PTPRQ: variants seen among roughly 807,000 people sequenced by gnomAD.
PTPRQ encodes the protein protein tyrosine phosphatase receptor type Q.
PTPRQ carries 199 observed loss-of-function variants against 246.0 expected under a neutral mutation model. The observed-to-expected ratio is 0.81, with a 90% CI of 0.72 to 0.91. The LOEUF (loss-of-function observed/expected upper bound fraction) is 0.91. Ranked by LOEUF, PTPRQ falls within the 40% of genes least tolerant of loss-of-function variation. The pLI, the probability that PTPRQ is intolerant of heterozygous loss-of-function variation, is 0.00. For synonymous variants in PTPRQ, 869 were observed against 853.2 expected (o/e 1.02, Z -0.32); for missense variants, 2,624 against 2,528.4 (o/e 1.04, Z -0.81).
intron 14 of PTPRQ, among the ~76,000 whole-genome samples, chr12:80,505,814 T>C (rs576178878): frequency 6.4e-4 from 97 of 152,104 alleles, no homozygotes; most frequent in African/African-American, 2.3e-3. Context: ...TGTGGAATCA[T>C]AGTAGCATTT....
At chr12:80,617,326 A>G (rs2121121591) in intron 30 of PTPRQ, among the ~76,000 whole-genome samples, 1 of 151,522 alleles carries the variant, frequency 6.6e-6, no homozygotes, top group Non-Finnish European at 1.5e-5. Flanking sequence ...TCACTGTTAG[A>G]TGAAACTGAT....
In PTPRQ at chr12:80,483,197, TA is replaced by T. The variant is rs1230163563; in HGVS notation, c.1187-1230del. 2.4e-5 allele frequency among the ~76,000 whole-genome samples: 3 copies of T among 124,742 alleles called. No individual in the cohort carries two copies. The East Asian group carries it at 6.7e-4, about 28-fold the overall frequency. The allele number at this position is 124,742 out of a possible 152,430, so 81.8% of individuals were successfully genotyped here. A position where few individuals can be genotyped will look rare whatever the true frequency, so the allele number is the denominator to read the frequency against. ...TACACCATGGAATACTATGCAGCCATAAAAAATGATGAGTTCATGTCCTTTG... is the reference window on the plus strand; with the variant it reads ...TACACCATGGAATACTATGCAGCCATAAAAATGATGAGTTCATGTCCTTTG... On this transcript the variant is annotated intron_variant, in intron 8 of 44. Coordinates refer to ENST00000644991, the MANE Select transcript of PTPRQ (RefSeq NM_001145026.2).
intron 35 of PTPRQ, among the ~76,000 whole-genome samples, chr12:80,639,727 A>T (rs1435172622): frequency 6.6e-6 from 1 of 152,154 alleles, no homozygotes; most frequent in Non-Finnish European, 1.5e-5. Flanking sequence ...TACCTTTGGT[A>T]TTGTTACTAT....
In PTPRQ at chr12:80,613,694, T is replaced by C; in HGVS notation, c.5021T>C (p.Ile1674Thr). 6.5e-7 allele frequency: 1 copy of C among 1,546,226 alleles called. No homozygotes were observed. The highest frequency in any genetic ancestry group is 8.7e-7 in the Non-Finnish European group (1 of 1,143,278). ...CCTCCTTCTCAACCTAATGGAAATA[T>C]CCAAGTATATCAAGCTCTGGTTTAC... ...FLPPSQPNGN[I>T]QVYQALVYRE... Residue 1674 changes from isoleucine (I) to threonine (T), a missense_variant, in exon 29 of 45, where the codon ATC becomes ACC. Transcript: ENST00000644991.
At chr12:80,540,061 TAGG>T in intron 20 of PTPRQ, 117 bp downstream of exon 20, 1 of 895,814 alleles carries the variant, frequency 1.1e-6, no homozygotes, top group South Asian at 2.9e-5. Context: ...ACGTTCATTA[TAGG>T]AGTTTGAAAA....
intron 6 of PTPRQ, among the ~76,000 whole-genome samples, chr12:80,466,378 C>G (rs1189812610): frequency 6.6e-6 from 1 of 152,148 alleles, no homozygotes; most frequent in African/African-American, 2.4e-5. Flanking sequence ...AATGAAAGAA[C>G]ATTCCATGCT....
chr12:80,546,866 A>G (rs1269900461), intron 24 of PTPRQ, 169 bp downstream of exon 24: 3 of 723,486 alleles, frequency 4.1e-6, no homozygotes, highest in East Asian at 5.9e-5. Flanking sequence ...CATATGCTGT[A>G]TGTGTGTTTA....
chr12:80,548,217 C>T (rs932968429), intron 24 of PTPRQ, among the ~76,000 whole-genome samples: 3 of 151,886 alleles, frequency 2.0e-5, no homozygotes, highest in Non-Finnish European at 4.4e-5. Context: ...AAATTTTCAC[C>T]TTTAAGTGTT....
At chr12:80,666,015 A>T (rs150580832) in intron 39 of PTPRQ, among the ~76,000 whole-genome samples, 5 of 152,134 alleles carry the variant, frequency 3.3e-5, no homozygotes, top group Admixed American at 2.6e-4. Context: ...TTTTCCTCAG[A>T]AAACTAAAAT....
Position 80,477,217 on chromosome 12 carries a change from A to T in PTPRQ, c.1186+4966A>T, listed in dbSNP as rs551315817. On this transcript the variant is annotated intron_variant, in intron 8 of 44. Transcript: ENST00000644991. ...AAAATAACATGATTATTTTTAAAAT[A>T]TCAGAAAAAAATCAATCAACTCTTC... Among the ~76,000 whole-genome samples the T allele has an allele frequency of 5.9e-5, 9 of 151,936 alleles. 1 individual carries two copies. The East Asian group carries it at 1.7e-3, about 29-fold the overall frequency.
chr12:80,484,175 T>G (rs1040360654), intron 8 of PTPRQ, among the ~76,000 whole-genome samples: 1 of 151,926 alleles, frequency 6.6e-6, no homozygotes, highest in South Asian at 2.1e-4. Flanking sequence ...CTGGCTTATT[T>G]TTGTATTTTT....
At chr12:80,487,786 C>T (rs931726836) in intron 9 of PTPRQ, among the ~76,000 whole-genome samples, 53 of 152,096 alleles carry the variant, frequency 3.5e-4, no homozygotes, top group African/African-American at 1.1e-3. Context: ...ACTGTTATCT[C>T]ACTATATTAG....
intron 25 of PTPRQ, among the ~76,000 whole-genome samples, chr12:80,582,304 T>A (rs1003446827): frequency 2.6e-5 from 4 of 152,152 alleles, no homozygotes; most frequent in Admixed American, 2.6e-4. Flanking sequence ...TGTGCTGGCA[T>A]TTCATCCAAT....
At chr12:80,536,713 C>T (rs1895998596) in intron 19 of PTPRQ, among the ~76,000 whole-genome samples, 2 of 152,168 alleles carry the variant, frequency 1.3e-5, no homozygotes, top group African/African-American at 2.4e-5. Context: ...GTTTTGTTCT[C>T]TGTAGGGAAG....
At position 80,568,252 on chromosome 12, in the gene PTPRQ, GA is replaced by G. The variant is rs539573231; in HGVS notation, c.4285+18519del. On this transcript the variant is annotated intron_variant, in intron 25 of 44. Transcript: ENST00000644991. ...TAATTTAAAACATTAGAAACATAGA[GA>G]TTTTTTTGTATAAAAACTTATCAAG... Among the ~76,000 whole-genome samples, 43 of 152,170 alleles carry G rather than the reference GA, an allele frequency of 2.8e-4. 2 individuals carry two copies. The highest frequency in any genetic ancestry group is 8.3e-4 in the South Asian group (4 of 4,824).
intron 17 of PTPRQ, among the ~76,000 whole-genome samples, chr12:80,525,654 G>GTCTCTCTCTC (rs71816551): frequency 6.8e-6 from 1 of 147,292 alleles, no homozygotes; most frequent in Non-Finnish European, 1.5e-5. Context: ...CTCTCTCTCT[G>GTCTCTCTCTC]TCTCTCTCTC....
intron 19 of PTPRQ, among the ~76,000 whole-genome samples, chr12:80,535,976 A>G (rs1032368515): frequency 6.6e-5 from 10 of 152,114 alleles, no homozygotes; most frequent in African/African-American, 1.7e-4. Flanking sequence ...GCGTCGTGGC[A>G]GGCGCCTGTA....
chr12:80,632,299 T>A lies in PTPRQ; in HGVS notation c.5786+8T>A, dbSNP rs1306198751. Reference sequence around the variant, plus strand: ...TATTTTTGCATTTGCAAGGTAAGATTTATTTGCGCTTACATTCCAGGATGC... The same window carrying A: ...TATTTTTGCATTTGCAAGGTAAGATATATTTGCGCTTACATTCCAGGATGC... On this transcript the variant is annotated splice_region_variant and intron_variant, in intron 34 of 44. Transcript: ENST00000644991. 6.4e-7 allele frequency: 1 copy of A among 1,551,282 alleles called. No individual in the cohort carries two copies. The highest frequency in any genetic ancestry group is 8.7e-7 in the Non-Finnish European group (1 of 1,146,824).
At chr12:80,674,619 T>TG (rs1391815152) in intron 43 of PTPRQ, among the ~76,000 whole-genome samples, 14 of 152,188 alleles carry the variant, frequency 9.2e-5, no homozygotes, top group Admixed American at 4.6e-4. Context: ...TGTAGATTAT[T>TG]TAGTTATGTA....
Sources: gnomAD v4.1 joint callset for allele counts (sites outside exome capture counted in the v4.1 genomes callset) on GRCh38, gnomAD v4.1.1 for gene constraint, MANE v1.5 for transcripts, NCBI Gene and HGNC (gene_info 2026-07-23, HGNC 2026-07-21) for gene names.